Variants in NRG1 observed in about 807,000 individuals in gnomAD.
The protein encoded by NRG1 is pro-neuregulin-1, membrane-bound isoform.
A neutral mutation model predicts 63.8 loss-of-function variants in NRG1; 18 were observed. The ratio of observed to expected loss-of-function variants is 0.28; its 90% confidence interval spans 0.19 to 0.42. The LOEUF is 0.42. NRG1 is among the 10% of genes least tolerant of loss of function. NRG1 has a pLI of 1.00. For missense variants in NRG1, 762 were observed against 814.7 expected, an observed-to-expected ratio of 0.94 and a Z score of 0.79; for synonymous variants, 302 against 301.3, an observed-to-expected ratio of 1.00 and a Z score of -0.02.
At chr8:32,595,581 A>G (rs1025492693) in intron 1 of NRG1, among the ~76,000 whole-genome samples, 2 of 152,288 alleles carry the variant, frequency 1.3e-5, no homozygotes, top group South Asian at 2.1e-4. Context: ...GCTTGAAACT[A>G]TCTAGAATTT....
intron 1 of NRG1, among the ~76,000 whole-genome samples, chr8:31,807,730 T>G (rs1007030198): frequency 6.6e-6 from 1 of 152,174 alleles, no homozygotes; most frequent in Non-Finnish European, 1.5e-5. Flanking sequence ...GTTTAGTAAC[T>G]CTAAATTTTC....
intron 1 of NRG1, among the ~76,000 whole-genome samples, chr8:31,790,037 T>C (rs915525323): frequency 4.6e-5 from 7 of 152,158 alleles, no homozygotes; most frequent in African/African-American, 7.2e-5. Context: ...TAGCAGTAAA[T>C]AGCTGTGTTT....
chr8:31,667,798 G>C (rs1806705693), intron 1 of NRG1, among the ~76,000 whole-genome samples: 1 of 152,076 alleles, frequency 6.6e-6, no homozygotes, highest in South Asian at 2.1e-4. Flanking sequence ...TAGAAAAGCA[G>C]AAAGAAAGAG....
intron 5 of NRG1, among the ~76,000 whole-genome samples, chr8:32,679,074 T>A (rs1807939779): frequency 6.6e-6 from 1 of 151,928 alleles, no homozygotes; most frequent in African/African-American, 2.4e-5. Context: ...GGAGGATCGC[T>A]TGAGTCCAGG....
Position 32,121,284 on chromosome 8 carries a change from C to T in NRG1, c.38-474544C>T, listed in dbSNP as rs143405618. Among the ~76,000 whole-genome samples, 757 of 152,088 alleles carry T rather than the reference C, an allele frequency of 5.0e-3. 7 individuals are homozygous for T. Among genetic ancestry groups the T allele is most frequent in the African/African-American group, 0.017 (701 of 41,506 alleles). On this transcript the variant is annotated intron_variant, in intron 1 of 10. Coordinates refer to the NRG1 transcript ENST00000519301. ...AGTTAATGCATTTTTAACTTAACAGCAACCAACAACAGCTTCACTTTGAGT... is the reference window on the plus strand; with the variant it reads ...AGTTAATGCATTTTTAACTTAACAGTAACCAACAACAGCTTCACTTTGAGT...
chr8:32,146,130 A>G (rs532590753), intron 1 of NRG1, among the ~76,000 whole-genome samples: 1 of 152,194 alleles, frequency 6.6e-6, no homozygotes, highest in Non-Finnish European at 1.5e-5. Flanking sequence ...AAGTGTAGAG[A>G]CAGAACCAGA....
At chr8:31,937,342 T>A (rs548592124) in intron 1 of NRG1, among the ~76,000 whole-genome samples, 1 of 152,142 alleles carries the variant, frequency 6.6e-6, no homozygotes, top group East Asian at 1.9e-4. Context: ...TTTTAAATAA[T>A]GTTTAAGGGG....
intron 1 of NRG1, among the ~76,000 whole-genome samples, chr8:31,709,452 A>T (rs527705310): frequency 6.6e-6 from 1 of 152,110 alleles, no homozygotes; most frequent in East Asian, 1.9e-4. Context: ...TTTTGATATT[A>T]GTGTTACTCT....
At chr8:32,507,420 A>G (rs931551993) in intron 1 of NRG1, among the ~76,000 whole-genome samples, 9 of 152,208 alleles carry the variant, frequency 5.9e-5, no homozygotes, top group Non-Finnish European at 1.2e-4. Context: ...AACACTTCAC[A>G]GTTTAGTTGC....
intron 1 of NRG1, among the ~76,000 whole-genome samples, chr8:31,980,242 G>A (rs916632651): frequency 6.6e-6 from 1 of 151,882 alleles, no homozygotes; most frequent in Non-Finnish European, 1.5e-5. Flanking sequence ...TGTTGGCTAG[G>A]TCACCTGTCA....
At chr8:32,761,504 T>C (rs1444633964) in intron 11 of NRG1, among the ~76,000 whole-genome samples, 2 of 152,206 alleles carry the variant, frequency 1.3e-5, no homozygotes, top group Non-Finnish European at 2.9e-5. Context: ...TTTAGAACTT[T>C]GTGGAATTTA....
intron 1 of NRG1, among the ~76,000 whole-genome samples, chr8:31,818,828 G>C (rs1327941791): frequency 3.3e-5 from 5 of 151,988 alleles, no homozygotes; most frequent in African/African-American, 9.7e-5. Flanking sequence ...GAGGTCGAGG[G>C]GGGCAGATCA....
intron 1 of NRG1, among the ~76,000 whole-genome samples, chr8:31,781,755 A>G (rs1172365426): frequency 1.3e-5 from 2 of 152,098 alleles, no homozygotes; most frequent in Non-Finnish European, 2.9e-5. Context: ...CCTGCCAAGT[A>G]TGTGCCAGAC....
intron 4 of NRG1, among the ~76,000 whole-genome samples, chr8:32,615,035 C>T (rs1847093907): frequency 8.9e-6 from 1 of 111,922 alleles, no homozygotes; most frequent in African/African-American, 4.2e-5. Flanking sequence ...CAAAACAAAA[C>T]AAAAAGACTT....
intron 1 of NRG1, chr8:32,440,624 A>G (rs1259302971): frequency 6.6e-6 from 1 of 152,144 alleles, no homozygotes; most frequent in Non-Finnish European, 1.5e-5. Context: ...TGAACATAGC[A>G]GAGTCATCAA....
At chr8:32,681,631 A>G (rs1340162975) in intron 5 of NRG1, among the ~76,000 whole-genome samples, 3 of 152,192 alleles carry the variant, frequency 2.0e-5, no homozygotes, top group Non-Finnish European at 4.4e-5. Context: ...ACCAAACAAC[A>G]AAACAGTTTT....
chr8:32,653,174 C>T (rs541898678), intron 5 of NRG1, among the ~76,000 whole-genome samples: 10 of 151,354 alleles, frequency 6.6e-5, no homozygotes, highest in East Asian at 5.9e-4. Flanking sequence ...AGTGAATGTA[C>T]GCTAAGTGCC....
Position 31,847,454 on chromosome 8 carries a change from C to T in NRG1, c.37+208023C>T, listed in dbSNP as rs985983061. ...GAATTCAGCAGACATAGCTTCTGCCCTCATGAAGCTTACAGCCTACAACTA... is the reference window on the plus strand; with the variant it reads ...GAATTCAGCAGACATAGCTTCTGCCTTCATGAAGCTTACAGCCTACAACTA... On this transcript the variant is annotated intron_variant, in intron 1 of 10. Transcript: ENST00000519301. Among the ~76,000 whole-genome samples the T allele has an allele frequency of 2.6e-5, 4 of 152,270 alleles. No individual in the cohort carries two copies. The South Asian group carries it at 8.3e-4, about 32-fold the overall frequency.
At chr8:31,942,910 C>T (rs1348937986) in intron 1 of NRG1, among the ~76,000 whole-genome samples, 9 of 149,152 alleles carry the variant, frequency 6.0e-5, no homozygotes, top group African/African-American at 2.2e-4. Flanking sequence ...TAGTTGTTGG[C>T]GTGGATGCAA....
Sources: allele counts gnomAD v4.1 joint callset (sites outside exome capture counted in the v4.1 genomes callset), GRCh38; gene constraint gnomAD v4.1.1; transcripts MANE v1.5; gene names NCBI Gene and HGNC (gene_info 2026-07-23, HGNC 2026-07-21).